TRIM66: variants seen among roughly 807,000 people sequenced by gnomAD.
TRIM66 encodes the protein tripartite motif containing 66.
A neutral mutation model predicts 148.2 loss-of-function variants in TRIM66; 99 were observed. The ratio of observed to expected loss-of-function variants is 0.67; its 90% CI spans 0.57 to 0.79. The LOEUF (loss-of-function observed/expected upper bound fraction) is 0.79. TRIM66 is among the 30% of genes least tolerant of loss of function. The pLI is 0.00. For synonymous variants in TRIM66, 616 were observed against 635.9 expected (o/e 0.97, Z 0.47); for missense variants, 1,666 against 1,697.9 (o/e 0.98, Z 0.33).
chr11:8,619,804 G>A (rs958643934), intron 22 of TRIM66, among the ~76,000 whole-genome samples: 3 of 152,180 alleles, frequency 2.0e-5, no homozygotes, highest in Admixed American at 1.3e-4. Flanking sequence ...ACGGTCCCCT[G>A]GACTATCCAT....
chr11:8,676,635 GTTAAT>G (rs958870723), intron 3 of TRIM66, among the ~76,000 whole-genome samples: 1 of 152,216 alleles, frequency 6.6e-6, no homozygotes, highest in African/African-American at 2.4e-5. Context: ...AAAGTAAATG[GTTAAT>G]TTAAAGGCAC....
At chr11:8,650,003 G>A in intron 7 of TRIM66, 116 bp from the exon 8 acceptor site, 12 of 1,205,622 alleles carry the variant, frequency 1.0e-5, no homozygotes, top group Non-Finnish European at 1.3e-5. Flanking sequence ...CCAGTTTGGA[G>A]TGTAACCTAT....
chr11:8,621,545 G>C, intron 19 of TRIM66, 100 bp downstream of exon 19: 1 of 1,411,064 alleles, frequency 7.1e-7, no homozygotes, highest in South Asian at 1.5e-5. Context: ...CCCCATCAGA[G>C]ACTCAGGAAA....
intron 6 of TRIM66, among the ~76,000 whole-genome samples, chr11:8,653,107 C>T (rs76023987): frequency 0.051 from 7,730 of 152,264 alleles, 267 homozygotes; most frequent in Non-Finnish European, 0.069. Flanking sequence ...GCAATAAACT[C>T]AATTACCAAC....
At chr11:8,673,746 T>G (rs1209869997) in intron 4 of TRIM66, among the ~76,000 whole-genome samples, 1 of 152,254 alleles carries the variant, frequency 6.6e-6, no homozygotes, top group Non-Finnish European at 1.5e-5. Context: ...TATTCAGTTT[T>G]ATAGTTGTAT....
chr11:8,626,734 A>G (rs952004737), intron 15 of TRIM66, among the ~76,000 whole-genome samples: 2 of 152,226 alleles, frequency 1.3e-5, no homozygotes, highest in Non-Finnish European at 1.5e-5. Context: ...AGTGCGCTAC[A>G]TTCTTCTTAG....
In TRIM66 at chr11:8,679,794, G is replaced by A. The variant is rs2039331872; in HGVS notation, c.-364C>T. ...CATGCAGTATGTGATTAAGGTTGAT[G>A]GAGGGATGAAGACCATAATGCTGTA... On this transcript the variant is annotated 5_prime_UTR_variant, in exon 3 of 25. Coordinates refer to ENST00000646038, the MANE Select transcript of TRIM66 (RefSeq NM_001388022.1). 6.6e-6 allele frequency: 1 copy of A among 152,596 alleles called. No individual in the cohort carries two copies. The highest frequency in any genetic ancestry group is 2.1e-4 in the South Asian group (1 of 4,832). The allele number at this position is 152,596 out of a possible 1,614,324, so 9.5% of individuals were successfully genotyped here. A position where few individuals can be genotyped will look rare whatever the true frequency, so the allele number is the denominator to read the frequency against.
chr11:8,658,567 C>T (rs752309435), intron 6 of TRIM66, among the ~76,000 whole-genome samples: 9 of 152,244 alleles, frequency 5.9e-5, no homozygotes, highest in Middle Eastern at 3.4e-3. Flanking sequence ...ACCCTGGGGA[C>T]CCCCTGTTTA....
At chr11:8,649,058 G>A (rs2037114356) in intron 8 of TRIM66, among the ~76,000 whole-genome samples, 1 of 152,224 alleles carries the variant, frequency 6.6e-6, no homozygotes, top group Non-Finnish European at 1.5e-5. Context: ...ACAGATGGTG[G>A]CTGGGCGCAG....
chr11:8,629,662 C>A (rs904964346), intron 15 of TRIM66, among the ~76,000 whole-genome samples: 1 of 152,122 alleles, frequency 6.6e-6, no homozygotes, highest in Non-Finnish European at 1.5e-5. Flanking sequence ...GGAAAAATTG[C>A]GGAAACTCCA....
At chr11:8,681,296 T>C (rs554185106) in intron 1 of TRIM66, among the ~76,000 whole-genome samples, 2 of 151,858 alleles carry the variant, frequency 1.3e-5, no homozygotes, top group Non-Finnish European at 2.9e-5. Flanking sequence ...ACCACGCCCA[T>C]CTAATTTTTT....
chr11:8,656,174 T>G (rs1292769501), intron 6 of TRIM66, among the ~76,000 whole-genome samples: 1 of 152,266 alleles, frequency 6.6e-6, no homozygotes, highest in African/African-American at 2.4e-5. Context: ...CATCTTTTAA[T>G]GAGGATATCA....
At position 8,626,942 on chromosome 11, in the gene TRIM66, GCA is replaced by G. The variant is rs1324540141; in HGVS notation, c.2311-1716_2311-1715del. Among the ~76,000 whole-genome samples the G allele has an allele frequency of 9.2e-5, 14 of 152,076 alleles. 1 individual carries two copies. Among genetic ancestry groups the G allele is most frequent in the Admixed American group, 9.2e-4 (14 of 15,270 alleles). ...CCCCTTCAGATGGACTGCTTTCTCT[GCA>G]CAGAGAATTCTCCTACCCCTGCCCT... is the stretch of plus-strand genomic sequence containing the variant. On this transcript the variant is annotated intron_variant, in intron 15 of 24. Transcript: ENST00000646038.
chr11:8,677,775 G>A (rs543204162), intron 3 of TRIM66, among the ~76,000 whole-genome samples: 12 of 152,088 alleles, frequency 7.9e-5, no homozygotes, highest in East Asian at 3.9e-4. Flanking sequence ...CTCTTTTCAC[G>A]TTTTGTTACT....
At chr11:8,619,268 C>G in intron 23 of TRIM66, 115 bp downstream of exon 23, 1 of 1,237,278 alleles carries the variant, frequency 8.1e-7, no homozygotes, top group Admixed American at 2.9e-5. Context: ...CCCCCAGAAT[C>G]TGCTCCCCAG....
At chr11:8,675,027 T>C (rs555435897) in intron 3 of TRIM66, 144 bp from the exon 4 acceptor site, 3 of 152,276 alleles carry the variant, frequency 2.0e-5, no homozygotes, top group East Asian at 3.8e-4. Flanking sequence ...TATTCTGTTA[T>C]ATTAAAATCT....
rs1217954064 is a variant in TRIM66, at chr11:8,622,365, C to CATAT, written c.3080+447_3080+450dup. The stretch of plus-strand genomic sequence containing the variant: ...ACACACACACACACACACACACACA[C>CATAT]ATATATATATATATATATCTCCTAC... On this transcript the variant is annotated intron_variant, in intron 18 of 24. Transcript: ENST00000646038. 1.8e-3 allele frequency among the ~76,000 whole-genome samples: 106 copies of CATAT among 59,604 alleles called. 11 individuals carry two copies. The highest frequency in any genetic ancestry group is 2.3e-3 in the Admixed American group (15 of 6,392). The allele number at this position is 59,604 out of a possible 152,430, so 39.1% of individuals were successfully genotyped here.
At position 8,640,272 on chromosome 11, in the gene TRIM66, C is replaced by T; in HGVS notation, c.2103G>A (p.Arg701=). 6.4e-7 allele frequency: 1 copy of T among 1,551,544 alleles called. No individual in the cohort carries two copies. The change falls in exon 14 of 25, where the codon AGG becomes AGA. Residue 701 remains arginine, a synonymous_variant. Coordinates refer to ENST00000646038, the MANE Select transcript of TRIM66 (RefSeq NM_001388022.1). ...TIVGQINYIV[R]QPAPVQSQSQ... is the part of the protein sequence containing the mutation. ...TCTGGGACTGGACAGGTGCTGGCTG[C>T]CTCACGATGTAGTTGATCTGCCCCA...
chr11:8,627,126 A>AAT (rs2034927488), intron 15 of TRIM66, among the ~76,000 whole-genome samples: 1 of 152,198 alleles, frequency 6.6e-6, no homozygotes, highest in Non-Finnish European at 1.5e-5. Flanking sequence ...TCATTTGATT[A>AAT]ATGTCTGTTT....
Sources: gnomAD v4.1 joint callset for allele counts (sites outside exome capture counted in the v4.1 genomes callset) on GRCh38, gnomAD v4.1.1 for gene constraint, MANE v1.5 for transcripts, NCBI Gene and HGNC (gene_info 2026-07-23, HGNC 2026-07-21) for gene names.